Variants in UNC80 observed in about 807,000 individuals in gnomAD.
The protein encoded by UNC80 is unc-80 subunit of NALCN channel complex.
A neutral mutation model predicts 384.6 loss-of-function variants in UNC80; 164 were observed. The ratio of observed to expected loss-of-function variants is 0.43; its 90% confidence interval spans 0.38 to 0.49. The LOEUF is 0.49. UNC80 is among the 20% of genes least tolerant of loss of function. The probability of loss-of-function intolerance (pLI) is 0.00; values close to 1 mark genes in which losing one functional copy is unlikely to be tolerated. For synonymous variants in UNC80, 1,486 were observed against 1,527.8 expected (o/e 0.97, Z 0.64); for missense variants, 3,330 against 4,143.0 (o/e 0.80, Z 5.39).
intron 31 of UNC80, among the ~76,000 whole-genome samples, chr2:209,914,592 A>G (rs1018718407): frequency 3.3e-5 from 1 of 30,002 alleles, no homozygotes; most frequent in Admixed American, 4.8e-4. Flanking sequence ...TCCCAGCACC[A>G]TTCCTTTCCC....
At chr2:209,980,319 G>A (rs888707656) in intron 59 of UNC80, among the ~76,000 whole-genome samples, 24 of 152,256 alleles carry the variant, frequency 1.6e-4, no homozygotes, top group Admixed American at 9.2e-4. Context: ...ATATTTTGCA[G>A]GTAACCTTAT....
intron 4 of UNC80, among the ~76,000 whole-genome samples, chr2:209,777,991 A>C (rs2191916): frequency 0.97 from 147,581 of 152,304 alleles, 71,682 homozygotes; most frequent in East Asian, 1. Flanking sequence ...AGTCCTCAAA[A>C]TGCAACTTTA....
At chr2:209,896,245 G>A (rs2086785876) in intron 27 of UNC80, 68 bp from the exon 28 acceptor site, 4 of 1,381,554 alleles carry the variant, frequency 2.9e-6, no homozygotes, top group African/African-American at 1.4e-5. Context: ...ATGGACAACT[G>A]TACCATACCA....
At chr2:209,851,996 A>C (rs2082566104) in intron 22 of UNC80, among the ~76,000 whole-genome samples, 1 of 152,132 alleles carries the variant, frequency 6.6e-6, no homozygotes, top group Admixed American at 6.6e-5. Context: ...TGATCTCATA[A>C]GTCTCATGGT....
At position 209,904,829 on chromosome 2, in the gene UNC80, A is replaced by C; in HGVS notation, c.4646A>C (p.His1549Pro). The C allele has an allele frequency of 6.4e-7, 1 of 1,551,810 alleles. No individual in the cohort carries two copies. The highest frequency in any genetic ancestry group is 8.7e-7 in the Non-Finnish European group (1 of 1,147,004). The change falls in exon 29 of 65, where the codon CAC becomes CCC. Residue 1549 changes from histidine to proline, a missense_variant. Around this residue, in one of 8 missense-constraint regions of UNC80, gnomAD observed 801 missense variants for 950.8 expected, o/e 0.84. Transcript: ENST00000673920. ...ACTCACGTTGACTACTGCCATCCCC[A>C]CTGCTACCTGCACCACAGCCGCTCC... ...ICTHVDYCHP[H>P]CYLHHSRSCA...
At chr2:209,869,803 G>C (rs1048615628) in intron 22 of UNC80, among the ~76,000 whole-genome samples, 6 of 152,054 alleles carry the variant, frequency 3.9e-5, no homozygotes, top group Admixed American at 3.9e-4. Context: ...GATCTCAATT[G>C]CATTTCCAAA....
chr2:209,831,482 A>G lies in UNC80; in HGVS notation c.2666A>G (p.Asn889Ser). The G allele has an allele frequency of 6.4e-7, 1 of 1,551,234 alleles. No individual in the cohort carries two copies. The highest frequency in any genetic ancestry group is 8.7e-7 in the Non-Finnish European group (1 of 1,146,802). Reference sequence around the variant, plus strand: ...GGAAATAACTTCACCACAGTGGACAACAAATCCACAGCCCAAAATGTGGAA... The same window carrying G: ...GGAAATAACTTCACCACAGTGGACAGCAAATCCACAGCCCAAAATGTGGAA... ...GFGNNFTTVDNKSTAQNVEGI... is the reference protein window; with the variant it reads ...GFGNNFTTVDSKSTAQNVEGI... The change falls in exon 16 of 65, where the codon AAC becomes AGC. Residue 889 changes from asparagine (N) to serine (S), a missense_variant. Asn to Ser is a conservative substitution (Grantham distance 46). Coordinates refer to ENST00000673920, the MANE Select transcript of UNC80 (RefSeq NM_001371986.1).
At chr2:209,910,364 C>A (rs144474388) in intron 29 of UNC80, among the ~76,000 whole-genome samples, 1 of 151,834 alleles carries the variant, frequency 6.6e-6, no homozygotes, top group Non-Finnish European at 1.5e-5. Context: ...ACTTTAAGAC[C>A]TTTACAAGAG....
At chr2:209,937,786 TG>T (rs1183556694) in intron 42 of UNC80, among the ~76,000 whole-genome samples, 156 bp downstream of exon 42, 1 of 152,186 alleles carries the variant, frequency 6.6e-6, no homozygotes, top group African/African-American at 2.4e-5. Context: ...CCCTAAATAG[TG>T]TAAGATTTAC....
intron 58 of UNC80, among the ~76,000 whole-genome samples, chr2:209,977,464 T>C (rs936606712): frequency 3.3e-5 from 5 of 152,228 alleles, no homozygotes; most frequent in Non-Finnish European, 7.3e-5. Context: ...TATTTTATGG[T>C]AGATTATTTC....
intron 22 of UNC80, 35 bp downstream of exon 22, chr2:209,849,658 C>A (rs1268895753): frequency 6.5e-7 from 1 of 1,544,200 alleles, no homozygotes. Flanking sequence ...ACCCTGCCCC[C>A]CATCCCAAGT....
At chr2:209,806,045 A>G (rs926603284) in intron 7 of UNC80, among the ~76,000 whole-genome samples, 2 of 152,230 alleles carry the variant, frequency 1.3e-5, no homozygotes, top group Non-Finnish European at 2.9e-5. Context: ...TACAAATTCC[A>G]AAAAGTTTAA....
At chr2:209,903,401 TATTATATATATACAC>T (rs1458639149) in intron 28 of UNC80, among the ~76,000 whole-genome samples, 8 of 120,896 alleles carry the variant, frequency 6.6e-5, no homozygotes, top group African/African-American at 2.5e-4. Flanking sequence ...TTTATATATA[TATTATATATATACAC>T]ATTATATATA....
intron 22 of UNC80, among the ~76,000 whole-genome samples, chr2:209,854,048 C>A (rs2191909): frequency 2.6e-5 from 4 of 151,924 alleles, no homozygotes; most frequent in South Asian, 4.1e-4. Flanking sequence ...CAGGAAAAGA[C>A]CTTCAGTTAC....
Position 209,809,315 on chromosome 2 carries a change from C to A in UNC80, c.939-4265C>A, listed in dbSNP as rs140685092. 5 of 766,116 alleles carry A rather than the reference C, an allele frequency of 6.5e-6. No homozygotes were observed. In the Admixed American group the frequency reaches 7.1e-5, roughly 11 times the overall value. The allele number at this position is 766,116 out of a possible 1,614,324, so 47.5% of individuals were successfully genotyped here. On this transcript the variant is annotated intron_variant, in intron 7 of 64. Transcript: ENST00000673920. Reference sequence around the variant, plus strand: ...CTCAAGAAACACATCCGAAGCCACACGCTGCCCTTCGCCTGCGAAACCTGC... The same window carrying A: ...CTCAAGAAACACATCCGAAGCCACAAGCTGCCCTTCGCCTGCGAAACCTGC...
At chr2:209,905,134 C>G (rs952222111) in intron 29 of UNC80, among the ~76,000 whole-genome samples, 169 bp downstream of exon 29, 3 of 152,068 alleles carry the variant, frequency 2.0e-5, no homozygotes, top group African/African-American at 7.2e-5. Context: ...TTTTGTCTTT[C>G]TTGTCCATGA....
chr2:209,924,008 T>C lies in UNC80; in HGVS notation c.5662+1625T>C, dbSNP rs560939312. 2.6e-5 allele frequency among the ~76,000 whole-genome samples: 4 copies of C among 152,142 alleles called. No individual in the cohort carries two copies. The East Asian group carries it at 7.7e-4, about 29-fold the overall frequency. On this transcript the variant is annotated intron_variant, in intron 35 of 64. Coordinates refer to ENST00000673920, the MANE Select transcript of UNC80 (RefSeq NM_001371986.1). ...TTATATCTTTATCTTATAATAACTT[T>C]ATAAGATAATATGTTTTATATAACA...
At chr2:209,972,384 G>T in intron 55 of UNC80, 60 bp downstream of exon 55, 1 of 1,532,338 alleles carries the variant, frequency 6.5e-7, no homozygotes, top group South Asian at 1.2e-5. Context: ...TAAATGTCAG[G>T]CTGTTATTTC....
chr2:209,937,264 T>C (rs1292327733), intron 41 of UNC80, among the ~76,000 whole-genome samples: 1 of 152,220 alleles, frequency 6.6e-6, no homozygotes, highest in Non-Finnish European at 1.5e-5. Context: ...TGTGTGTCTA[T>C]TTGGAATTTG....
Sources: allele counts gnomAD v4.1 joint callset (sites outside exome capture counted in the v4.1 genomes callset), GRCh38; gene constraint gnomAD v4.1.1; regional missense constraint gnomAD v4.1.1; transcripts MANE v1.5; gene names NCBI Gene and HGNC (gene_info 2026-07-23, HGNC 2026-07-21).